Variants in SNTG1 observed in about 807,000 individuals in gnomAD.
SNTG1 encodes the protein gamma-1-syntrophin.
SNTG1 carries 39 observed loss-of-function variants against 74.7 expected under a neutral mutation model. The ratio of observed to expected loss-of-function variants is 0.52; its 90% CI spans 0.40 to 0.68. The LOEUF (loss-of-function observed/expected upper bound fraction) is 0.68. Among genes scored for constraint, SNTG1 ranks in the 30% least tolerant of loss-of-function variants. The probability of loss-of-function intolerance (pLI) is 0.00; values close to 1 mark genes in which losing one functional copy is unlikely to be tolerated. For synonymous variants in SNTG1, 254 were observed against 217.1 expected (o/e 1.17, Z -1.49); for missense variants, 685 against 609.5 (o/e 1.12, Z -1.30).
intron 10 of SNTG1, among the ~76,000 whole-genome samples, chr8:50,532,731 G>A (rs1002766741): frequency 6.6e-6 from 1 of 152,198 alleles, no homozygotes; most frequent in Non-Finnish European, 1.5e-5. Context: ...TCAAAGACAT[G>A]AAATAACAAC....
chr8:50,301,752 T>C (rs1587019471), intron 2 of SNTG1, among the ~76,000 whole-genome samples: 1 of 152,204 alleles, frequency 6.6e-6, no homozygotes, highest in Non-Finnish European at 1.5e-5. Flanking sequence ...CATTCATTTT[T>C]ACATAATTTG....
intron 4 of SNTG1, among the ~76,000 whole-genome samples, chr8:50,433,015 C>T (rs2093257136): frequency 1.3e-5 from 2 of 152,188 alleles, no homozygotes; most frequent in South Asian, 4.2e-4. Context: ...GTCTCGAACT[C>T]CTGACCTCCA....
intron 10 of SNTG1, among the ~76,000 whole-genome samples, chr8:50,534,992 A>G (rs1029472903): frequency 6.6e-6 from 1 of 152,080 alleles, no homozygotes; most frequent in Admixed American, 6.6e-5. Flanking sequence ...TCAGCTTATT[A>G]TTATTTCTCG....
chr8:50,268,408 G>T (rs2087591000), intron 2 of SNTG1, among the ~76,000 whole-genome samples: 1 of 151,998 alleles, frequency 6.6e-6, no homozygotes, highest in Non-Finnish European at 1.5e-5. Context: ...ACATAAGAAA[G>T]ACATATTTTT....
At chr8:50,251,360 G>A (rs2086638529) in intron 2 of SNTG1, among the ~76,000 whole-genome samples, 1 of 151,960 alleles carries the variant, frequency 6.6e-6, no homozygotes, top group Admixed American at 6.6e-5. Context: ...TAACAAACTT[G>A]CAGGAGTAAT....
chr8:50,112,848 G>T (rs894871494), intron 1 of SNTG1, among the ~76,000 whole-genome samples: 1 of 152,058 alleles, frequency 6.6e-6, no homozygotes. Context: ...GTTAAATAGG[G>T]AATCCTTTCC....
intron 13 of SNTG1, among the ~76,000 whole-genome samples, chr8:50,649,154 G>A (rs777043619): frequency 2.0e-5 from 3 of 151,986 alleles, no homozygotes; most frequent in Admixed American, 6.6e-5. Context: ...TTCCACATCG[G>A]CACATAGTTG....
At chr8:50,059,206 C>T (rs1213104073) in intron 1 of SNTG1, among the ~76,000 whole-genome samples, 1 of 152,032 alleles carries the variant, frequency 6.6e-6, no homozygotes, top group Non-Finnish European at 1.5e-5. Flanking sequence ...CTGATATAAA[C>T]ATGCATTTCA....
chr8:50,781,522 G>A (rs1563833464), intron 18 of SNTG1, among the ~76,000 whole-genome samples: 1 of 152,112 alleles, frequency 6.6e-6, no homozygotes, highest in Non-Finnish European at 1.5e-5. Context: ...GACTAGGATT[G>A]CAACTGCTGC....
chr8:50,234,258 C>T (rs187147043), intron 2 of SNTG1, among the ~76,000 whole-genome samples: 1 of 151,820 alleles, frequency 6.6e-6, no homozygotes, highest in Non-Finnish European at 1.5e-5. Context: ...AAAGCTTGAA[C>T]TGATATGAAG....
intron 1 of SNTG1, among the ~76,000 whole-genome samples, chr8:49,965,439 G>A (rs1370144025): frequency 6.6e-6 from 1 of 152,218 alleles, no homozygotes; most frequent in East Asian, 1.9e-4. Context: ...TCCTCTCAAG[G>A]ACATTTCACT....
intron 1 of SNTG1, among the ~76,000 whole-genome samples, chr8:49,952,884 T>C (rs562185532): frequency 5.3e-5 from 8 of 152,290 alleles, no homozygotes; most frequent in African/African-American, 1.7e-4. Context: ...GGATACAAAT[T>C]ACTGAAATGG....
At chr8:50,788,834 T>TGCCTCATCTCCTGC (rs1178799576) in intron 18 of SNTG1, among the ~76,000 whole-genome samples, 11 of 151,538 alleles carry the variant, frequency 7.3e-5, no homozygotes, top group Admixed American at 1.3e-4. Flanking sequence ...CCATATACTG[T>TGCCTCATCTCCTGC]GCCTCATCTC....
intron 4 of SNTG1, among the ~76,000 whole-genome samples, chr8:50,437,222 GTAA>G (rs940669084): frequency 6.6e-6 from 1 of 152,020 alleles, no homozygotes; most frequent in African/African-American, 2.4e-5. Context: ...GCATTCAATA[GTAA>G]TAATAATAAT....
intron 1 of SNTG1, among the ~76,000 whole-genome samples, chr8:50,100,943 C>T (rs746658990): frequency 3.3e-5 from 5 of 152,030 alleles, no homozygotes; most frequent in African/African-American, 4.8e-5. Flanking sequence ...CCACTGTCCA[C>T]CTTCAAATAT....
chr8:50,355,246 A>G lies in SNTG1; in HGVS notation c.-27-38966A>G, dbSNP rs1182742728. ...TAGTGAAACACTTGGAAATTAAATA[A>G]TTAATTAATTAAATAAATTAAATAG... On this transcript the variant is annotated intron_variant, in intron 2 of 18. Coordinates refer to ENST00000642720, the MANE Select transcript of SNTG1 (RefSeq NM_018967.5). Among the ~76,000 whole-genome samples the G allele has an allele frequency of 8.6e-5, 13 of 151,392 alleles. 1 individual carries two copies. The highest frequency in any genetic ancestry group is 3.2e-4 in the African/African-American group (13 of 41,054).
chr8:50,333,990 G>A (rs1027192092), intron 2 of SNTG1, among the ~76,000 whole-genome samples: 2 of 152,066 alleles, frequency 1.3e-5, no homozygotes, highest in Non-Finnish European at 2.9e-5. Flanking sequence ...TCTGCCTCCC[G>A]GGTTCAAGCG....
chr8:50,791,048 A>G (rs2095689369), intron 18 of SNTG1, among the ~76,000 whole-genome samples: 2 of 152,082 alleles, frequency 1.3e-5, no homozygotes, highest in East Asian at 1.9e-4. Flanking sequence ...ATGCAAGAAC[A>G]TTTTACATTT....
chr8:50,441,741 T>C (rs185163870), intron 5 of SNTG1, among the ~76,000 whole-genome samples: 3 of 152,270 alleles, frequency 2.0e-5, no homozygotes, highest in African/African-American at 4.8e-5. Context: ...CCTTGGAAAG[T>C]CATACTTACC....
Sources: allele counts gnomAD v4.1 joint callset (sites outside exome capture counted in the v4.1 genomes callset), GRCh38; gene constraint gnomAD v4.1.1; transcripts MANE v1.5; gene names NCBI Gene and HGNC (gene_info 2026-07-23, HGNC 2026-07-21).